The following RBFOX2 variants were observed in gnomAD, a reference collection of about 807,000 sequenced individuals.
RBFOX2 encodes RNA binding protein fox-1 homolog 2.
RBFOX2 carries 10 observed loss-of-function variants against 49.1 expected under a neutral mutation model. The observed-to-expected ratio is 0.20, with a 90% CI of 0.13 to 0.35. The LOEUF (loss-of-function observed/expected upper bound fraction) is 0.35. Among genes scored for constraint, RBFOX2 ranks in the 10% least tolerant of loss-of-function variants. The pLI, the probability that RBFOX2 is intolerant of heterozygous loss-of-function variation, is 1.00. For missense variants in RBFOX2, 323 were observed against 486.9 expected, an observed-to-expected ratio of 0.66 and a Z score of 3.17; for synonymous variants, 183 against 187.4, an observed-to-expected ratio of 0.98 and a Z score of 0.19.
intron 2 of RBFOX2, among the ~76,000 whole-genome samples, chr22:35,794,590 G>A (rs1241868051): frequency 3.3e-5 from 5 of 151,760 alleles, no homozygotes; most frequent in African/African-American, 7.3e-5. Context: ...CCCGGGAGGC[G>A]GAACTTACAG....
chr22:35,864,523 A>T (rs1421077870), intron 1 of RBFOX2, among the ~76,000 whole-genome samples: 1 of 152,220 alleles, frequency 6.6e-6, no homozygotes, highest in Non-Finnish European at 1.5e-5. Flanking sequence ...GAATCAATCA[A>T]TAAAAGTTTT....
intron 1 of RBFOX2, among the ~76,000 whole-genome samples, chr22:35,971,544 A>G (rs2056870148): frequency 6.6e-6 from 1 of 152,080 alleles, no homozygotes; most frequent in Non-Finnish European, 1.5e-5. Flanking sequence ...CCCAACCCAC[A>G]AGAAACATAT....
At chr22:36,028,520 G>T in exon 1 of RBFOX2, 1 of 1,000,630 alleles carries the variant, frequency 1.0e-6, no homozygotes, top group Non-Finnish European at 1.2e-6. Flanking sequence ...AGGCGGGCGC[G>T]CGCCTGCCCC....
intron 1 of RBFOX2, among the ~76,000 whole-genome samples, chr22:35,918,324 A>G (rs1048759766): frequency 1.3e-4 from 20 of 152,196 alleles, no homozygotes; most frequent in Admixed American, 1.1e-3. Context: ...TTAAATCAAG[A>G]AAGTAATTAA....
At chr22:35,958,099 C>T (rs2055786459) in intron 1 of RBFOX2, among the ~76,000 whole-genome samples, 1 of 152,018 alleles carries the variant, frequency 6.6e-6, no homozygotes, top group East Asian at 1.9e-4. Flanking sequence ...AACAATTCTA[C>T]CCCAAAAAAA....
chr22:35,886,559 C>A (rs1310907132), intron 1 of RBFOX2, among the ~76,000 whole-genome samples: 1 of 152,180 alleles, frequency 6.6e-6, no homozygotes, highest in Non-Finnish European at 1.5e-5. Context: ...CTCGGCTATA[C>A]GGTATGTACG....
chr22:35,903,600 G>C (rs2048820864), intron 1 of RBFOX2, among the ~76,000 whole-genome samples: 1 of 152,070 alleles, frequency 6.6e-6, no homozygotes, highest in Admixed American at 6.6e-5. Context: ...ACACAAGCAT[G>C]TCAAACTCAA....
At chr22:35,815,338 T>C (rs1952817951) in intron 1 of RBFOX2, among the ~76,000 whole-genome samples, 1 of 152,216 alleles carries the variant, frequency 6.6e-6, no homozygotes, top group Non-Finnish European at 1.5e-5. Flanking sequence ...ACTGAATTAT[T>C]CTGAATATTA....
chr22:35,863,294 C>T (rs1191403522), intron 1 of RBFOX2, among the ~76,000 whole-genome samples: 3 of 151,996 alleles, frequency 2.0e-5, no homozygotes, highest in Middle Eastern at 3.4e-3. Context: ...GAAGACTACC[C>T]TTGACCAAGA....
intron 1 of RBFOX2, chr22:35,999,181 A>G (rs1344407075): frequency 6.6e-6 from 1 of 152,084 alleles, no homozygotes; most frequent in Non-Finnish European, 1.5e-5. Flanking sequence ...TAACCATGGG[A>G]TTTTTTTACT....
intron 1 of RBFOX2, among the ~76,000 whole-genome samples, chr22:35,876,568 A>G (rs1272420397): frequency 6.6e-6 from 1 of 152,128 alleles, no homozygotes; most frequent in Non-Finnish European, 1.5e-5. Context: ...AAATGGGTTC[A>G]CTTCCTCTGC....
intron 1 of RBFOX2, among the ~76,000 whole-genome samples, chr22:35,879,272 G>A (rs1315215078): frequency 6.6e-6 from 1 of 152,152 alleles, no homozygotes; most frequent in Non-Finnish European, 1.5e-5. Flanking sequence ...ATTTGGGGCA[G>A]GAGAAATAAT....
rs972232056 is a variant in RBFOX2 at position 35,759,189 on chromosome 22, C to T, written c.887+699G>A. 5.3e-5 allele frequency among the ~76,000 whole-genome samples: 8 copies of T among 152,106 alleles called. No individual in the cohort carries two copies. The highest frequency in any genetic ancestry group is 4.4e-5 in the Non-Finnish European group (3 of 68,010). On this transcript the variant is annotated intron_variant, in intron 9 of 11. Coordinates refer to ENST00000405409, the Ensembl canonical transcript of RBFOX2. The surrounding 1 kb of genome is among the most constrained non-coding windows in gnomAD (Gnocchi z 4.6). ...TCAGTAGCAAAGGATTTATTTGTTG[C>T]TATGGAATCATTCCACTGCATGAGA...
At chr22:35,763,940 G>T (rs956184971) in intron 6 of RBFOX2, among the ~76,000 whole-genome samples, 1 of 152,156 alleles carries the variant, frequency 6.6e-6, no homozygotes, top group African/African-American at 2.4e-5. Context: ...CCAGTCAGAG[G>T]CTCTTTCTGT....
intron 2 of RBFOX2, among the ~76,000 whole-genome samples, chr22:35,793,191 G>A (rs1236999475): frequency 1.3e-5 from 2 of 152,218 alleles, no homozygotes; most frequent in Admixed American, 6.5e-5. Context: ...GGCCAACGTG[G>A]TGAAACCCCA....
At chr22:35,865,916 T>A (rs1204696200) in intron 1 of RBFOX2, among the ~76,000 whole-genome samples, 2 of 152,018 alleles carry the variant, frequency 1.3e-5, no homozygotes, top group Non-Finnish European at 1.5e-5. Context: ...AGGAAAAAAA[T>A]TAAAATTGTT....
intron 1 of RBFOX2, among the ~76,000 whole-genome samples, chr22:35,850,329 T>TACACG (rs2148966512): frequency 6.6e-6 from 1 of 152,070 alleles, no homozygotes; most frequent in South Asian, 2.1e-4. Context: ...GTCACACTGA[T>TACACG]ACACGCAGTA....
chr22:36,001,936 C>T (rs1336971601), intron 1 of RBFOX2, among the ~76,000 whole-genome samples: 4 of 151,788 alleles, frequency 2.6e-5, no homozygotes, highest in Non-Finnish European at 4.4e-5. Context: ...TGGTGGCAGG[C>T]GCCTATAATC....
chr22:35,842,988 A>G (rs1450672572), upstream of RBFOX2, among the ~76,000 whole-genome samples: 2 of 152,112 alleles, frequency 1.3e-5, no homozygotes, highest in African/African-American at 4.8e-5. Context: ...TACAAGCTTA[A>G]AAAAAATGTT....
Sources: allele counts gnomAD v4.1 joint callset (sites outside exome capture counted in the v4.1 genomes callset), GRCh38; gene constraint gnomAD v4.1.1; non-coding constraint Gnocchi (gnomAD v3.1); transcripts MANE v1.5; gene names NCBI Gene and HGNC (gene_info 2026-07-23, HGNC 2026-07-21).